Variants in PEPD observed in about 807,000 individuals in gnomAD.
PEPD encodes the protein peptidase D.
Under a neutral mutation model 60.7 loss-of-function variants are expected in PEPD, and 53 were observed. The observed-to-expected ratio is 0.87, with a 90% confidence interval of 0.70 to 1.10. The LOEUF (loss-of-function observed/expected upper bound fraction) is 1.10, where lower values mean the gene tolerates loss of function less well. Ranked by LOEUF, PEPD falls within the 50% of genes least tolerant of loss-of-function variation. PEPD has a pLI of 0.00. For missense variants in PEPD, 711 were observed against 711.9 expected (o/e 1.00, Z 0.01); for synonymous variants, 267 against 284.1 (o/e 0.94, Z 0.60).
chr19:33,473,008 G>T (rs1177336609), intron 7 of PEPD, among the ~76,000 whole-genome samples: 1 of 152,238 alleles, frequency 6.6e-6, no homozygotes, highest in African/African-American at 2.4e-5. Context: ...CCAAAGCCAT[G>T]AAGAAAATGA....
chr19:33,441,833 T>C (rs1327899523), intron 9 of PEPD, among the ~76,000 whole-genome samples: 1 of 152,262 alleles, frequency 6.6e-6, no homozygotes, highest in East Asian at 1.9e-4. Flanking sequence ...TAATTCATAA[T>C]GCAATAGGTA....
At chr19:33,509,734 A>G (rs145353289) in intron 3 of PEPD, among the ~76,000 whole-genome samples, 2 of 152,354 alleles carry the variant, frequency 1.3e-5, no homozygotes, top group Non-Finnish European at 2.9e-5. Context: ...CGGAGATGAC[A>G]CGCAGTGAGG....
chr19:33,451,493 C>A (rs981963167), intron 9 of PEPD, among the ~76,000 whole-genome samples: 5 of 152,042 alleles, frequency 3.3e-5, no homozygotes, highest in African/African-American at 1.2e-4. Context: ...ATTTCACCAA[C>A]CTTCCAAAGA....
At chr19:33,394,031 G>A (rs1248910278) in intron 12 of PEPD, among the ~76,000 whole-genome samples, 4 of 152,374 alleles carry the variant, frequency 2.6e-5, no homozygotes, top group South Asian at 2.1e-4. Flanking sequence ...TCCCCTGGAC[G>A]GATCTGCTCG....
intron 6 of PEPD, among the ~76,000 whole-genome samples, chr19:33,482,885 G>C (rs10420339): frequency 0.31 from 47,617 of 152,072 alleles, 8,288 homozygotes; most frequent in African/African-American, 0.46. Context: ...GAAAGATATA[G>C]AAGATATAAA....
rs558843453 is a variant in PEPD at position 33,391,396 on chromosome 19, C to G, written c.1051G>C (p.Val351Leu). The change falls in exon 13 of 15, where the codon GTG becomes CTG. Residue 351 changes from valine to leucine, a missense_variant. Coordinates refer to ENST00000244137, the MANE Select transcript of PEPD (RefSeq NM_000285.4). ...AGGTGAGCCTGGACCATGGCGTCCA[C>G]GCTGCCGCTCAGGATGCCCATGTGG... Reference protein sequence around the residue: ...LAHMGILSGSVDAMVQAHLGA... With the variant: ...LAHMGILSGSLDAMVQAHLGA... The G allele has an allele frequency of 1.3e-6, 2 of 1,590,792 alleles. No individual in the cohort carries two copies. The highest frequency in any genetic ancestry group is 2.3e-5 in the South Asian group (2 of 88,214).
At chr19:33,464,136 C>A (rs1461068125) in intron 7 of PEPD, 74 bp from the exon 8 acceptor site, 14 of 1,071,802 alleles carry the variant, frequency 1.3e-5, no homozygotes, top group South Asian at 1.3e-4. Flanking sequence ...CCAGGGAGAG[C>A]TCAGGGCCTA....
At chr19:33,423,802 T>G (rs1256619427) in intron 9 of PEPD, among the ~76,000 whole-genome samples, 1 of 152,236 alleles carries the variant, frequency 6.6e-6, no homozygotes, top group Non-Finnish European at 1.5e-5. Context: ...ACAGATAATT[T>G]ACATTTTTAT....
At chr19:33,507,218 G>A (rs1263080698) in intron 3 of PEPD, among the ~76,000 whole-genome samples, 1 of 152,164 alleles carries the variant, frequency 6.6e-6, no homozygotes, top group East Asian at 1.9e-4. Context: ...CCCCCGACCT[G>A]GTCAAACTGG....
At chr19:33,404,258 A>G (rs956139436) in intron 11 of PEPD, among the ~76,000 whole-genome samples, 1 of 152,198 alleles carries the variant, frequency 6.6e-6, no homozygotes, top group Non-Finnish European at 1.5e-5. Context: ...GAGTCAACCA[A>G]GAAAAATGGT....
intron 9 of PEPD, among the ~76,000 whole-genome samples, chr19:33,423,863 C>T (rs1969087927): frequency 6.6e-6 from 1 of 152,168 alleles, no homozygotes; most frequent in Non-Finnish European, 1.5e-5. Flanking sequence ...TTTAAGAAGT[C>T]GTTCCCTACC....
chr19:33,493,933 T>TTG (rs1440363584), intron 4 of PEPD, among the ~76,000 whole-genome samples: 2 of 152,100 alleles, frequency 1.3e-5, no homozygotes. Flanking sequence ...CCGGGCCAGC[T>TTG]CCTCTCTCCA....
At chr19:33,414,061 C>A (rs1406078625) in intron 9 of PEPD, among the ~76,000 whole-genome samples, 1 of 152,180 alleles carries the variant, frequency 6.6e-6, no homozygotes, top group African/African-American at 2.4e-5. Context: ...GCCCAGAGGC[C>A]ACCACCCACC....
chr19:33,499,661 G>A (rs1970672102), intron 4 of PEPD, among the ~76,000 whole-genome samples: 1 of 152,256 alleles, frequency 6.6e-6, no homozygotes, highest in Admixed American at 6.5e-5. Flanking sequence ...AGGGGCACCA[G>A]TGTGGGCCAG....
intron 9 of PEPD, among the ~76,000 whole-genome samples, chr19:33,457,323 T>TG (rs1969821807): frequency 6.6e-6 from 1 of 152,034 alleles, no homozygotes; most frequent in African/African-American, 2.4e-5. Flanking sequence ...GCCAGTTATT[T>TG]GGGGGGCTGA....
intron 10 of PEPD, among the ~76,000 whole-genome samples, chr19:33,413,004 G>A (rs1291523018): frequency 3.9e-5 from 6 of 152,234 alleles, no homozygotes; most frequent in African/African-American, 1.2e-4. Context: ...ACCCAGCCAG[G>A]TGTTGATGGC....
intron 11 of PEPD, 33 bp from the exon 12 acceptor site, chr19:33,401,902 C>G: frequency 6.2e-7 from 1 of 1,608,916 alleles, no homozygotes; most frequent in Non-Finnish European, 8.5e-7. Context: ...CAAGTGGGTA[C>G]TGGGGTGCCA....
intron 12 of PEPD, among the ~76,000 whole-genome samples, chr19:33,393,072 C>T (rs1344908622): frequency 2.0e-5 from 3 of 150,210 alleles, no homozygotes; most frequent in Non-Finnish European, 4.5e-5. Context: ...CCCAGACCTG[C>T]CCCCACCCCC....
chr19:33,435,479 G>A (rs575749956), intron 9 of PEPD, among the ~76,000 whole-genome samples: 1 of 152,356 alleles, frequency 6.6e-6, no homozygotes, highest in Admixed American at 6.5e-5. Context: ...CAGGAGGTGA[G>A]GGGCGCCGAG....
Sources: allele counts gnomAD v4.1 joint callset (sites outside exome capture counted in the v4.1 genomes callset), GRCh38; gene constraint gnomAD v4.1.1; transcripts MANE v1.5; gene names NCBI Gene and HGNC (gene_info 2026-07-23, HGNC 2026-07-21).